SARDH: variants seen among roughly 807,000 people sequenced by gnomAD.
SARDH encodes sarcosine dehydrogenase, mitochondrial.
Under a neutral mutation model 109.1 loss-of-function variants are expected in SARDH, and 95 were observed. The observed-to-expected ratio is 0.87, with a 90% CI of 0.74 to 1.03. The LOEUF (loss-of-function observed/expected upper bound fraction) is 1.03, where lower values mean the gene tolerates loss of function less well. SARDH is among the 50% of genes least tolerant of loss of function. The pLI is 0.00. For missense variants in SARDH, 1,267 were observed against 1,287.8 expected, an observed-to-expected ratio of 0.98 and a Z score of 0.25; for synonymous variants, 572 against 534.8, an observed-to-expected ratio of 1.07 and a Z score of -0.96.
chr9:133,691,645 G>A (rs1831100252), intron 15 of SARDH, among the ~76,000 whole-genome samples: 1 of 152,190 alleles, frequency 6.6e-6, no homozygotes, highest in Non-Finnish European at 1.5e-5. Flanking sequence ...GAGATTGACA[G>A]CTGCTTTGTA....
In SARDH at chr9:133,718,888, G is replaced by T; in HGVS notation, c.1020+50C>A. 1 of 1,397,622 alleles carries T rather than the reference G, an allele frequency of 7.2e-7. No individual in the cohort carries two copies. Among genetic ancestry groups the T allele is most frequent in the Non-Finnish European group, 1.0e-6 (1 of 983,578 alleles). The allele number at this position is 1,397,622 out of a possible 1,614,324, so 86.6% of individuals were successfully genotyped here. On this transcript the variant is annotated intron_variant, in intron 7 of 20. Transcript: ENST00000439388. This position sits in a 1 kb window ranked among gnomAD's most constrained non-coding sequence, Gnocchi z 4.2. Reference sequence around the variant, plus strand: ...TCCTGAAAGAGGCCCTCTCCATGCTGAGATGCAGCCCCAACTCCCTCCCAT... The same window carrying T: ...TCCTGAAAGAGGCCCTCTCCATGCTTAGATGCAGCCCCAACTCCCTCCCAT...
chr9:133,719,051 C>A lies in SARDH; in HGVS notation c.916-9G>T. ...CGGACATTGGGCATGTTCTGGAAGGCAGAGAGAGAGGCCTTGGCATCATCC... is the reference window on the plus strand; with the variant it reads ...CGGACATTGGGCATGTTCTGGAAGGAAGAGAGAGAGGCCTTGGCATCATCC... On this transcript the variant is annotated splice_polypyrimidine_tract_variant and intron_variant, in intron 6 of 20. Coordinates refer to ENST00000439388, the MANE Select transcript of SARDH (RefSeq NM_001134707.2). 6.2e-7 allele frequency: 1 copy of A among 1,603,820 alleles called. No individual in the cohort carries two copies. Among genetic ancestry groups the A allele is most frequent in the Non-Finnish European group, 8.5e-7 (1 of 1,171,740 alleles).
intron 16 of SARDH, among the ~76,000 whole-genome samples, chr9:133,688,911 C>A (rs1019471724): frequency 6.6e-6 from 1 of 152,256 alleles, no homozygotes; most frequent in African/African-American, 2.4e-5. Context: ...ATCCCTTCCT[C>A]AGCAAGCACG....
chr9:133,683,818 C>T (rs919549926), intron 17 of SARDH, among the ~76,000 whole-genome samples: 22 of 152,236 alleles, frequency 1.4e-4, no homozygotes, highest in African/African-American at 4.6e-4. Context: ...CCTTCCTTAG[C>T]ATTTCCCCAC....
upstream of SARDH, chr9:133,738,477 G>A (rs1564308832): frequency 6.6e-6 from 1 of 152,286 alleles, no homozygotes; most frequent in Non-Finnish European, 1.5e-5. Context: ...CCAGCCCTGT[G>A]GGCAGCTCCC....
Position 133,701,416 on chromosome 9 carries a change from C to T in SARDH, c.1668+1500G>A, listed in dbSNP as rs554195797. ...GTTTCTGCTGTACCTTTGCTGATGC[C>T]ACCGGGGCTGCCAACCAAAACCCTC... On this transcript the variant is annotated intron_variant, in intron 13 of 20. Coordinates refer to ENST00000439388, the MANE Select transcript of SARDH (RefSeq NM_001134707.2). Among the ~76,000 whole-genome samples, 44 of 152,358 alleles carry T rather than the reference C, an allele frequency of 2.9e-4. 2 individuals are homozygous for T. The highest frequency in any genetic ancestry group is 1.1e-3 in the African/African-American group (44 of 41,590).
chr9:133,729,964 A>G, intron 5 of SARDH, 99 bp from the exon 6 acceptor site: 1 of 1,589,948 alleles, frequency 6.3e-7, no homozygotes. Flanking sequence ...CTGCCCTAGC[A>G]GGGGCTCCCC....
rs1831182953 is a variant in SARDH at position 133,693,725 on chromosome 9, C to A, written c.1921+533G>T. On this transcript the variant is annotated intron_variant, in intron 15 of 20. Coordinates refer to ENST00000439388, the MANE Select transcript of SARDH (RefSeq NM_001134707.2). This position sits in a 1 kb window ranked among gnomAD's most constrained non-coding sequence, Gnocchi z 5.6. ...TGCGTAACAGTTGGGGCTGAGCAAA[C>A]AAGGGATGAAGGTACTGAGCTACCT... 6.6e-6 allele frequency among the ~76,000 whole-genome samples: 1 copy of A among 152,142 alleles called. No individual in the cohort carries two copies. The highest frequency in any genetic ancestry group is 2.1e-4 in the South Asian group (1 of 4,830).
chr9:133,681,277 G>A (rs1830686219), intron 17 of SARDH, among the ~76,000 whole-genome samples: 1 of 152,210 alleles, frequency 6.6e-6, no homozygotes, highest in Non-Finnish European at 1.5e-5. Flanking sequence ...CAGGCCCCTG[G>A]GGTCAGTCCC....
rs779800535 is a variant in SARDH, at chr9:133,712,592, T to G, written c.1328+27A>C. On this transcript the variant is annotated intron_variant, in intron 10 of 20. Coordinates refer to ENST00000439388, the MANE Select transcript of SARDH (RefSeq NM_001134707.2). This position sits in a 1 kb window ranked among gnomAD's most constrained non-coding sequence, Gnocchi z 4.1. ...GCCACCTGTCCTGAGTGGCGGGCCCTGCCCTTAGGTCCCAATGGGCACTTA... is the reference window on the plus strand; with the variant it reads ...GCCACCTGTCCTGAGTGGCGGGCCCGGCCCTTAGGTCCCAATGGGCACTTA... 19 of 1,579,890 alleles carry G rather than the reference T, an allele frequency of 1.2e-5. No individual in the cohort carries two copies. The highest frequency in any genetic ancestry group is 1.7e-6 in the Non-Finnish European group (2 of 1,161,458).
At chr9:133,700,004 T>C (rs1405800164) in intron 13 of SARDH, among the ~76,000 whole-genome samples, 1 of 151,962 alleles carries the variant, frequency 6.6e-6, no homozygotes, top group Non-Finnish European at 1.5e-5. Context: ...ATATGATGGG[T>C]CCATACAATG....
intron 20 of SARDH, among the ~76,000 whole-genome samples, chr9:133,665,549 G>A (rs1389745511): frequency 4.6e-5 from 7 of 152,200 alleles, no homozygotes; most frequent in African/African-American, 1.4e-4. Flanking sequence ...TCCAAGAGAG[G>A]ATCCTTATCC....
At chr9:133,725,501 C>A in intron 6 of SARDH, 1 of 433,478 alleles carries the variant, frequency 2.3e-6, no homozygotes, top group South Asian at 1.6e-5. Flanking sequence ...GGTGAAACTC[C>A]GTCTCTACTA....
At position 133,712,559 on chromosome 9, in the gene SARDH, T is replaced by A. The variant is rs531261279; in HGVS notation, c.1328+60A>T. 112 of 1,468,686 alleles carry A rather than the reference T, an allele frequency of 7.6e-5. No homozygotes were observed. In the South Asian group the frequency reaches 1.2e-3, roughly 15 times the overall value. The allele number at this position is 1,468,686 out of a possible 1,614,324, so 91.0% of individuals were successfully genotyped here. A position where few individuals can be genotyped will look rare whatever the true frequency, so the allele number is the denominator to read the frequency against. ...TCCTTTCTCAGTAGCCCTCGCTGTT[T>A]ACCCCACGCCACCTGTCCTGAGTGG... On this transcript the variant is annotated intron_variant, in intron 10 of 20. Coordinates refer to ENST00000439388, the MANE Select transcript of SARDH (RefSeq NM_001134707.2). The surrounding 1 kb of genome is among the most constrained non-coding windows in gnomAD (Gnocchi z 4.1).
chr9:133,734,348 TTCATTCATTCATTCAC>T (rs879561844), intron 1 of SARDH, 145 bp from the exon 2 acceptor site: 155 of 380,888 alleles, frequency 4.1e-4, no homozygotes, highest in Middle Eastern at 6.7e-4. Flanking sequence ...CATTCACTCA[TTCATTCATTCATTCAC>T]TCATTCATTC....
rs1223345421 is a variant in SARDH at position 133,663,903 on chromosome 9, TC to T, written c.2742del (p.Lys915ArgfsTer85). ...KSPFDPNNKRVKGIY is the reference protein window; with the variant it reads ...KSPFDPNNKRXKGIY ...GGTCTGAGCCCTCAGTAGATTCCCT[TC>T]ACCCTCTTGTTGTTGGGGTCGAAGG... On this transcript the variant is annotated frameshift_variant, in exon 21 of 21. Transcript: ENST00000439388. LOFTEE classifies it high-confidence loss of function. 1 of 1,614,128 alleles carries T rather than the reference TC, an allele frequency of 6.2e-7. No homozygotes were observed. The highest frequency in any genetic ancestry group is 8.5e-7 in the Non-Finnish European group (1 of 1,180,018).
chr9:133,663,493 G>T (rs1329524226), downstream of SARDH: 5 of 257,812 alleles, frequency 1.9e-5, no homozygotes, highest in Admixed American at 5.2e-5. Flanking sequence ...TCAGCCAAGT[G>T]CCCCAGGGAA....
intron 6 of SARDH, among the ~76,000 whole-genome samples, chr9:133,721,037 G>A (rs565310276): frequency 1.4e-4 from 21 of 152,324 alleles, no homozygotes; most frequent in South Asian, 4.1e-4. Flanking sequence ...CAGAAGGTCC[G>A]TCTTGAAAGT....
downstream of SARDH, among the ~76,000 whole-genome samples, chr9:133,660,043 C>T (rs140589013): frequency 2.5e-3 from 383 of 152,062 alleles, 4 homozygotes; most frequent in African/African-American, 9.1e-3. Context: ...GAACCTGCCA[C>T]AGCGACAACC....
Sources: allele counts gnomAD v4.1 joint callset (sites outside exome capture counted in the v4.1 genomes callset), GRCh38; gene constraint gnomAD v4.1.1; non-coding constraint Gnocchi (gnomAD v3.1); transcripts MANE v1.5; gene names NCBI Gene and HGNC (gene_info 2026-07-23, HGNC 2026-07-21).